DPP10: variants seen among roughly 807,000 people sequenced by gnomAD.
The protein encoded by DPP10 is inactive dipeptidyl peptidase 10.
Under a neutral mutation model 120.9 loss-of-function variants are expected in DPP10, and 33 were observed. That is an observed-to-expected ratio of 0.27 (90% CI 0.21 to 0.37). The LOEUF (loss-of-function observed/expected upper bound fraction) is 0.37. Ranked by LOEUF, DPP10 falls within the 10% of genes least tolerant of loss-of-function variation. The pLI is 1.00. For synonymous variants in DPP10, 337 were observed against 326.1 expected (o/e 1.03, Z -0.36); for missense variants, 816 against 942.8 (o/e 0.87, Z 1.76).
rs557341160 is a variant in DPP10 at position 114,830,057 on chromosome 2, G to A, written c.60+387219G>A. On this transcript the variant is annotated intron_variant, in intron 1 of 25. Coordinates refer to ENST00000410059, the MANE Select transcript of DPP10 (RefSeq NM_020868.6). ...GCTGTCCTCTCCTGGGCTGATGGCCGAAAACGCCTCCCTCACGGGCTCCTC... is the reference window on the plus strand; with the variant it reads ...GCTGTCCTCTCCTGGGCTGATGGCCAAAAACGCCTCCCTCACGGGCTCCTC... Among the ~76,000 whole-genome samples, 7 of 152,114 alleles carry A rather than the reference G, an allele frequency of 4.6e-5. No homozygotes were observed. In the South Asian group the frequency reaches 8.3e-4, roughly 18 times the overall value.
chr2:114,852,287 G>T (rs1209972984), intron 1 of DPP10, among the ~76,000 whole-genome samples: 3 of 145,966 alleles, frequency 2.1e-5, no homozygotes, highest in South Asian at 4.5e-4. Flanking sequence ...GAGAGTTAAT[G>T]TTCCCTGCTC....
At chr2:114,924,125 C>T (rs1695416628) in intron 1 of DPP10, among the ~76,000 whole-genome samples, 1 of 152,116 alleles carries the variant, frequency 6.6e-6, no homozygotes, top group Non-Finnish European at 1.5e-5. Flanking sequence ...TTTACAGACT[C>T]CTCTAGACAT....
chr2:115,430,008 T>A (rs2070828393), intron 3 of DPP10, among the ~76,000 whole-genome samples: 1 of 152,176 alleles, frequency 6.6e-6, no homozygotes, highest in Non-Finnish European at 1.5e-5. Flanking sequence ...TTTGGAGGCC[T>A]TGGAAAAAGA....
chr2:115,370,020 G>A (rs1372507183), intron 3 of DPP10, among the ~76,000 whole-genome samples: 1 of 152,048 alleles, frequency 6.6e-6, no homozygotes, highest in Non-Finnish European at 1.5e-5. Context: ...AGCTGTGGAA[G>A]GAAAAGCTGC....
chr2:115,476,585 G>A (rs1027455841), intron 3 of DPP10, among the ~76,000 whole-genome samples: 3 of 152,158 alleles, frequency 2.0e-5, no homozygotes, highest in African/African-American at 7.2e-5. Context: ...GCCAGATATT[G>A]TAAGATCTCA....
At chr2:114,519,948 TACTC>T (rs1367414586) in intron 1 of DPP10, among the ~76,000 whole-genome samples, 3 of 151,842 alleles carry the variant, frequency 2.0e-5, no homozygotes, top group African/African-American at 4.8e-5. Flanking sequence ...GTTATAAAGA[TACTC>T]ACACCTTTAA....
At chr2:115,011,940 G>A (rs1702293942) in intron 1 of DPP10, among the ~76,000 whole-genome samples, 1 of 152,206 alleles carries the variant, frequency 6.6e-6, no homozygotes, top group South Asian at 2.1e-4. Context: ...CTGCTGTGGG[G>A]TCACGGTGGG....
intron 1 of DPP10, among the ~76,000 whole-genome samples, chr2:115,245,637 C>T (rs980020350): frequency 6.6e-6 from 1 of 151,974 alleles, no homozygotes; most frequent in African/African-American, 2.4e-5. Context: ...GGTATCTACC[C>T]AGAAGAAAAG....
intron 5 of DPP10, among the ~76,000 whole-genome samples, chr2:115,617,755 A>G (rs2084635609): frequency 6.6e-6 from 1 of 152,084 alleles, no homozygotes; most frequent in South Asian, 2.1e-4. Context: ...CCTGAAAACT[A>G]ACTTCTCAGA....
At chr2:115,794,005 T>G (rs2149927859) in intron 19 of DPP10, among the ~76,000 whole-genome samples, 1 of 152,262 alleles carries the variant, frequency 6.6e-6, no homozygotes, top group South Asian at 2.1e-4. Context: ...GCCCATGATT[T>G]AAAGCCATAT....
chr2:115,004,823 G>A (rs1234382865), intron 1 of DPP10, among the ~76,000 whole-genome samples: 1 of 152,172 alleles, frequency 6.6e-6, no homozygotes, highest in African/African-American at 2.4e-5. Flanking sequence ...GCTTGCTTAG[G>A]TAAACAAAGC....
chr2:115,641,662 C>T (rs139464322), intron 5 of DPP10, among the ~76,000 whole-genome samples: 6 of 152,170 alleles, frequency 3.9e-5, no homozygotes, highest in Non-Finnish European at 7.3e-5. Context: ...ATAAGGGTAA[C>T]GTCTTTGTCT....
At chr2:115,336,582 TG>T (rs2063147503) in intron 2 of DPP10, among the ~76,000 whole-genome samples, 1 of 91,590 alleles carries the variant, frequency 1.1e-5, no homozygotes, top group Admixed American at 1.2e-4. Flanking sequence ...TCTCTCTCTC[TG>T]TCTCTCTCTC....
intron 3 of DPP10, among the ~76,000 whole-genome samples, chr2:115,431,272 T>C (rs1176014444): frequency 6.6e-6 from 1 of 152,078 alleles, no homozygotes; most frequent in East Asian, 1.9e-4. Flanking sequence ...AAGGAGGTCA[T>C]GGAGAAACAA....
chr2:115,540,487 G>A (rs2079113089), intron 5 of DPP10, among the ~76,000 whole-genome samples: 1 of 151,806 alleles, frequency 6.6e-6, no homozygotes, highest in Non-Finnish European at 1.5e-5. Flanking sequence ...TGCATTTTCT[G>A]CATCTTCCTA....
intron 7 of DPP10, among the ~76,000 whole-genome samples, chr2:115,713,166 T>C (rs2092386441): frequency 6.6e-6 from 1 of 151,812 alleles, no homozygotes; most frequent in Non-Finnish European, 1.5e-5. Context: ...AAGAAATAGG[T>C]AGCAATGAGC....
intron 1 of DPP10, among the ~76,000 whole-genome samples, chr2:114,443,424 C>A (rs537114502): frequency 1.4e-4 from 22 of 152,092 alleles, no homozygotes; most frequent in Non-Finnish European, 2.8e-4. Context: ...CTCTTCAATG[C>A]AGGTGTTGTT....
intron 8 of DPP10, among the ~76,000 whole-genome samples, chr2:115,736,908 C>T (rs574190159): frequency 6.6e-6 from 1 of 152,244 alleles, no homozygotes; most frequent in East Asian, 1.9e-4. Flanking sequence ...TTTACTTTTG[C>T]CACATCCCTG....
chr2:115,105,878 A>G (rs912979399), intron 1 of DPP10, among the ~76,000 whole-genome samples: 2 of 152,238 alleles, frequency 1.3e-5, no homozygotes, highest in Non-Finnish European at 2.9e-5. Flanking sequence ...ATTGAAAATC[A>G]TGCAGGCAAA....
Sources: gnomAD v4.1 joint callset for allele counts (sites outside exome capture counted in the v4.1 genomes callset) on GRCh38, gnomAD v4.1.1 for gene constraint, MANE v1.5 for transcripts, NCBI Gene and HGNC (gene_info 2026-07-23, HGNC 2026-07-21) for gene names.